MGAT4C: variants seen among roughly 807,000 people sequenced by gnomAD.
MGAT4C encodes the protein MGAT4 family member C, also known as alpha-1,3-mannosyl-glycoprotein 4-beta-N-acetylglucosaminyltransferase C.
Under a neutral mutation model 40.1 loss-of-function variants are expected in MGAT4C, and 19 were observed. The ratio of observed to expected loss-of-function variants is 0.47; its 90% confidence interval spans 0.33 to 0.70. The LOEUF (loss-of-function observed/expected upper bound fraction) is 0.70, where lower values mean the gene tolerates loss of function less well. Among genes scored for constraint, MGAT4C ranks in the 30% least tolerant of loss-of-function variants. The pLI, the probability that MGAT4C is intolerant of heterozygous loss-of-function variation, is 0.02. For synonymous variants in MGAT4C, 181 were observed against 187.1 expected (o/e 0.97, Z 0.27); for missense variants, 491 against 563.2 (o/e 0.87, Z 1.30).
chr12:86,621,838 T>C (rs1443984658), intron 2 of MGAT4C, among the ~76,000 whole-genome samples: 3 of 152,228 alleles, frequency 2.0e-5, no homozygotes, highest in Admixed American at 2.0e-4. Context: ...ATATGCATTT[T>C]AGAAACCACA....
intron 1 of MGAT4C, among the ~76,000 whole-genome samples, chr12:86,818,772 GA>G (rs1316402348): frequency 6.6e-6 from 1 of 151,106 alleles, no homozygotes; most frequent in Non-Finnish European, 1.5e-5. Context: ...AAACACATAT[GA>G]TAAAGAACTT....
intron 2 of MGAT4C, among the ~76,000 whole-genome samples, chr12:86,473,886 T>C (rs1399353919): frequency 1.3e-5 from 2 of 152,110 alleles, no homozygotes; most frequent in Non-Finnish European, 2.9e-5. Flanking sequence ...AATCTGACTA[T>C]GGAGAATTTG....
intron 4 of MGAT4C, among the ~76,000 whole-genome samples, chr12:86,284,383 C>T (rs73181983): frequency 0.042 from 6,449 of 151,822 alleles, 201 homozygotes; most frequent in Non-Finnish European, 0.065. Flanking sequence ...TCTGGAGACA[C>T]CTCTTCTAGA....
chr12:86,505,398 C>T (rs1161724272), intron 2 of MGAT4C, among the ~76,000 whole-genome samples: 5 of 152,132 alleles, frequency 3.3e-5, no homozygotes, highest in African/African-American at 1.2e-4. Context: ...ATTTAACATC[C>T]AATTTCCAAA....
At chr12:86,250,598 T>C (rs140866421) in intron 1 of MGAT4C, among the ~76,000 whole-genome samples, 5 of 152,142 alleles carry the variant, frequency 3.3e-5, no homozygotes, top group African/African-American at 9.6e-5. Context: ...TGAAAAATCA[T>C]AGAATAAAAA....
intron 1 of MGAT4C, among the ~76,000 whole-genome samples, chr12:86,790,857 C>A (rs1358301233): frequency 1.3e-5 from 2 of 152,074 alleles, no homozygotes; most frequent in Non-Finnish European, 2.9e-5. Flanking sequence ...AGGGCCTGGG[C>A]ATCCCTATTT....
intron 1 of MGAT4C, among the ~76,000 whole-genome samples, chr12:86,818,274 A>T (rs552745281): frequency 1.3e-5 from 2 of 151,518 alleles, no homozygotes; most frequent in Non-Finnish European, 3.0e-5. Flanking sequence ...AGTCTTAAAA[A>T]TAAGCAAATT....
intron 3 of MGAT4C, among the ~76,000 whole-genome samples, chr12:86,429,692 T>G (rs1234953612): frequency 1.3e-5 from 2 of 152,196 alleles, no homozygotes; most frequent in Non-Finnish European, 2.9e-5. Flanking sequence ...TCTTATCACT[T>G]GTCCTCAGAA....
intron 2 of MGAT4C, among the ~76,000 whole-genome samples, chr12:86,714,060 T>C (rs1004864464): frequency 6.6e-6 from 1 of 152,270 alleles, no homozygotes; most frequent in South Asian, 2.1e-4. Context: ...TTTATTATCA[T>C]CTTAACAAAA....
intron 2 of MGAT4C, among the ~76,000 whole-genome samples, chr12:86,691,110 ATC>A (rs1950165479): frequency 6.6e-6 from 1 of 152,156 alleles, no homozygotes; most frequent in Non-Finnish European, 1.5e-5. Context: ...TTCTCCTATG[ATC>A]TGTCTATATT....
intron 1 of MGAT4C, among the ~76,000 whole-genome samples, chr12:86,192,074 C>A (rs1889569862): frequency 8.5e-6 from 1 of 116,982 alleles, no homozygotes; most frequent in South Asian, 2.9e-4. Flanking sequence ...AGGGGAACAT[C>A]ACATACCAGG....
At chr12:86,514,053 T>C (rs1182215070) in intron 2 of MGAT4C, among the ~76,000 whole-genome samples, 1 of 145,578 alleles carries the variant, frequency 6.9e-6, no homozygotes, top group Admixed American at 7.0e-5. Flanking sequence ...AAGTGTTGAA[T>C]GAAGCCATGC....
At chr12:86,088,314 C>A (rs1334430998) in intron 1 of MGAT4C, among the ~76,000 whole-genome samples, 1 of 151,922 alleles carries the variant, frequency 6.6e-6, no homozygotes, top group Non-Finnish European at 1.5e-5. Context: ...CAAGCCCTGG[C>A]AAAGATTTTA....
At chr12:86,270,272 T>C (rs920807713) in intron 4 of MGAT4C, among the ~76,000 whole-genome samples, 2 of 151,842 alleles carry the variant, frequency 1.3e-5, no homozygotes, top group Non-Finnish European at 2.9e-5. Flanking sequence ...GTTTCATCTC[T>C]ACTAAAAAAT....
chr12:86,704,368 T>C (rs1017609572), intron 2 of MGAT4C, among the ~76,000 whole-genome samples: 1 of 151,892 alleles, frequency 6.6e-6, no homozygotes, highest in Admixed American at 6.6e-5. Context: ...AAATACAAAA[T>C]GGGATGAGTA....
intron 2 of MGAT4C, among the ~76,000 whole-genome samples, chr12:86,699,852 TGAAGA>T (rs1227603062): frequency 6.6e-6 from 1 of 151,846 alleles, no homozygotes; most frequent in Non-Finnish European, 1.5e-5. Flanking sequence ...TTGAGTAGAC[TGAAGA>T]GGAGGAGAAA....
intron 2 of MGAT4C, among the ~76,000 whole-genome samples, chr12:86,636,256 C>T (rs1392895390): frequency 6.6e-6 from 1 of 152,126 alleles, no homozygotes; most frequent in Admixed American, 6.6e-5. Flanking sequence ...CTGAAATACA[C>T]TTCTTGGCTT....
At chr12:86,212,891 C>CAA (rs71076172) in intron 1 of MGAT4C, among the ~76,000 whole-genome samples, 2,322 of 22,408 alleles carry the variant, frequency 0.1, 503 homozygotes, top group East Asian at 0.12. Context: ...GACTCCGTCT[C>CAA]AAAAAAAAAA....
chr12:86,585,700 C>G (rs1960990818), intron 2 of MGAT4C, among the ~76,000 whole-genome samples: 1 of 147,150 alleles, frequency 6.8e-6, no homozygotes, highest in African/African-American at 2.5e-5. Flanking sequence ...TATCTCCATA[C>G]TTTCCCAAAT....
Sources: allele counts gnomAD v4.1 joint callset (sites outside exome capture counted in the v4.1 genomes callset), GRCh38; gene constraint gnomAD v4.1.1; transcripts MANE v1.5; gene names NCBI Gene and HGNC (gene_info 2026-07-23, HGNC 2026-07-21).